The following HSF2BP variants were observed in gnomAD, a reference collection of about 807,000 sequenced individuals.
The protein encoded by HSF2BP is heat shock transcription factor 2 binding protein.
Under a neutral mutation model 35.0 loss-of-function variants are expected in HSF2BP, and 35 were observed. That is an observed-to-expected ratio of 1.00 (90% confidence interval 0.76 to 1.32). HSF2BP has a LOEUF of 1.32. HSF2BP is among the 40% of genes most tolerant of loss of function. HSF2BP has a pLI of 0.00. For missense variants in HSF2BP, 326 were observed against 321.7 expected (o/e 1.01, Z -0.10); for synonymous variants, 114 against 117.4 (o/e 0.97, Z 0.18).
intron 7 of HSF2BP, among the ~76,000 whole-genome samples, chr21:43,604,931 C>CCA (rs34790848): frequency 0.67 from 96,266 of 143,886 alleles, 32,486 homozygotes; most frequent in East Asian, 0.78. Flanking sequence ...ACATCACATA[C>CCA]CACAGACATC....
intron 5 of HSF2BP, among the ~76,000 whole-genome samples, chr21:43,631,686 G>A (rs1237730948): frequency 2.0e-5 from 3 of 152,026 alleles, no homozygotes; most frequent in Admixed American, 6.5e-5. Flanking sequence ...CCCAACCTAC[G>A]TTTAAGCTTT....
chr21:43,585,507 G>A (rs572362341), intron 8 of HSF2BP, among the ~76,000 whole-genome samples: 83 of 152,112 alleles, frequency 5.5e-4, no homozygotes, highest in Non-Finnish European at 9.1e-4. Flanking sequence ...TTAGCTGGGC[G>A]TGGTGATGGG....
At chr21:43,595,818 G>A (rs1005383798) in intron 7 of HSF2BP, among the ~76,000 whole-genome samples, 3 of 122,266 alleles carry the variant, frequency 2.5e-5, no homozygotes, top group Non-Finnish European at 3.2e-5. Flanking sequence ...TCCGCCTCCT[G>A]GGTTCAAGTG....
At chr21:43,645,259 G>A (rs746769315) in intron 3 of HSF2BP, among the ~76,000 whole-genome samples, 1 of 152,158 alleles carries the variant, frequency 6.6e-6, no homozygotes, top group African/African-American at 2.4e-5. Context: ...AGAATCCCTG[G>A]AGGACTTGAT....
the HSF2BP span, among the ~76,000 whole-genome samples, chr21:43,467,635 C>T: frequency 6.6e-6 from 1 of 151,454 alleles, no homozygotes; most frequent in Non-Finnish European, 1.5e-5. Context: ...GCACAGGGGC[C>T]GGGGTCTGAG....
At chr21:43,598,597 A>G (rs6518302) in intron 7 of HSF2BP, among the ~76,000 whole-genome samples, 103,604 of 151,612 alleles carry the variant, frequency 0.68, 35,867 homozygotes, top group East Asian at 0.79. Flanking sequence ...ACCCTCCAGA[A>G]CAGGGTGCTC....
At chr21:43,632,784 T>C (rs2082498558) in intron 5 of HSF2BP, among the ~76,000 whole-genome samples, 1 of 152,204 alleles carries the variant, frequency 6.6e-6, no homozygotes, top group African/African-American at 2.4e-5. Context: ...CAGCCAACAG[T>C]AGAGAGAGTC....
At chr21:43,649,781 C>CT (rs1487778092) in intron 3 of HSF2BP, among the ~76,000 whole-genome samples, 2 of 152,136 alleles carry the variant, frequency 1.3e-5, no homozygotes, top group African/African-American at 4.8e-5. Context: ...GACTGAATGG[C>CT]TTTTTTATTA....
At chr21:43,602,668 A>G (rs1188513797) in intron 7 of HSF2BP, among the ~76,000 whole-genome samples, 2 of 152,202 alleles carry the variant, frequency 1.3e-5, no homozygotes, top group Admixed American at 6.5e-5. Flanking sequence ...AACCTTGCTG[A>G]GCCACTGTTC....
intron 8 of HSF2BP, among the ~76,000 whole-genome samples, chr21:43,587,968 G>A (rs980122802): frequency 1.3e-5 from 2 of 152,212 alleles, no homozygotes; most frequent in African/African-American, 2.4e-5. Flanking sequence ...CTCTTTTTAT[G>A]AGAAAGTAGG....
At chr21:43,615,763 G>C (rs1416309420) in intron 6 of HSF2BP, among the ~76,000 whole-genome samples, 1 of 152,008 alleles carries the variant, frequency 6.6e-6, no homozygotes, top group Non-Finnish European at 1.5e-5. Context: ...AATATTTTAG[G>C]AGAAAAACAA....
At chr21:43,617,631 T>A (rs1224847502) in intron 6 of HSF2BP, among the ~76,000 whole-genome samples, 1 of 151,948 alleles carries the variant, frequency 6.6e-6, no homozygotes, top group African/African-American at 2.4e-5. Flanking sequence ...TTATAGGTAA[T>A]TCTAGAGATT....
intron 3 of HSF2BP, among the ~76,000 whole-genome samples, chr21:43,653,042 A>G (rs2082811653): frequency 6.6e-6 from 1 of 151,886 alleles, no homozygotes; most frequent in African/African-American, 2.4e-5. Flanking sequence ...GACTGAGGCA[A>G]GAGAATCGCT....
At chr21:43,654,040 A>G (rs2147125753) in intron 3 of HSF2BP, among the ~76,000 whole-genome samples, 1 of 152,292 alleles carries the variant, frequency 6.6e-6, no homozygotes, top group Non-Finnish European at 1.5e-5. Context: ...GCTTGCACCG[A>G]GAAAGCAAAA....
At position 43,633,409 on chromosome 21, in the gene HSF2BP, G is replaced by C. The variant is rs751001583; in HGVS notation, c.304C>G (p.Leu102Val). 2 of 1,608,816 alleles carry C rather than the reference G, an allele frequency of 1.2e-6. No individual in the cohort carries two copies. The highest frequency in any genetic ancestry group is 2.7e-5 in the African/African-American group (2 of 74,672). ...TTCGCTTCATTCAACTGCTGTCGAA[G>C]AGCCAGTTTCTCCTAAAAGCAAAAC... ...NIREKKEKLA[L>V]RQQLNEAKQQ... Residue 102 changes from leucine (L) to valine (V), a missense_variant, in exon 5 of 9, where the codon CTT becomes GTT. Transcript: ENST00000291560.
At chr21:43,613,122 G>A (rs1459667840) in intron 7 of HSF2BP, among the ~76,000 whole-genome samples, 1 of 152,196 alleles carries the variant, frequency 6.6e-6, no homozygotes, top group Non-Finnish European at 1.5e-5. Flanking sequence ...AAGAATAAAA[G>A]CAGAGAGAGT....
chr21:43,639,330 C>T (rs2082605774), intron 4 of HSF2BP, among the ~76,000 whole-genome samples: 1 of 152,094 alleles, frequency 6.6e-6, no homozygotes, highest in African/African-American at 2.4e-5. Context: ...AAAACATTCG[C>T]TTTTTGAAAG....
At chr21:43,581,012 G>A (rs2081721246) in intron 8 of HSF2BP, among the ~76,000 whole-genome samples, 1 of 152,336 alleles carries the variant, frequency 6.6e-6, no homozygotes, top group African/African-American at 2.4e-5. Context: ...CTGGTGCCAT[G>A]GAAAAGATGT....
In HSF2BP at chr21:43,581,329, T is replaced by C. The variant is rs904089836; in HGVS notation, c.796+10896A>G. On this transcript the variant is annotated intron_variant, in intron 8 of 8. Coordinates refer to ENST00000291560, the MANE Select transcript of HSF2BP (RefSeq NM_007031.2). ...TGAACCTGGGAGGCAGGGCTTGCAG[T>C]GAGCCAAGATCACGCCTCTGAACTC... Among the ~76,000 whole-genome samples the C allele has an allele frequency of 1.1e-4, 16 of 150,550 alleles. 1 individual carries two copies. The highest frequency in any genetic ancestry group is 1.6e-4 in the Non-Finnish European group (11 of 67,810).
Sources: allele counts gnomAD v4.1 joint callset (sites outside exome capture counted in the v4.1 genomes callset), GRCh38; gene constraint gnomAD v4.1.1; transcripts MANE v1.5; gene names NCBI Gene and HGNC (gene_info 2026-07-23, HGNC 2026-07-21).